The following TTBK2 variants were observed in gnomAD, a reference collection of about 807,000 sequenced individuals.
TTBK2 encodes the protein tau-tubulin kinase 2.
A neutral mutation model predicts 110.8 loss-of-function variants in TTBK2; 28 were observed. The ratio of observed to expected loss-of-function variants is 0.25; its 90% CI spans 0.19 to 0.35. TTBK2 has a LOEUF of 0.35. Among genes scored for constraint, TTBK2 ranks in the 10% least tolerant of loss-of-function variants. TTBK2 has a pLI of 1.00. For synonymous variants in TTBK2, 532 were observed against 527.3 expected, an observed-to-expected ratio of 1.01 and a Z score of -0.12; for missense variants, 1,369 against 1,500.3, an observed-to-expected ratio of 0.91 and a Z score of 1.45.
chr15:42,758,636 CAAAGTGAGATTCCATCTCAAAAA>C (rs1245681632), intron 13 of TTBK2, among the ~76,000 whole-genome samples: 42 of 92,588 alleles, frequency 4.5e-4, no homozygotes, highest in African/African-American at 1.9e-3. Flanking sequence ...GCCTGGGTGA[CAAAGTGAGATTCCATCTCAAAAA>C]AAAAAAAAAA....
At position 42,775,639 on chromosome 15, in the gene TTBK2, C is replaced by T. The variant is rs1889884180; in HGVS notation, c.1494G>A (p.Val498=). 3 of 1,613,442 alleles carry T rather than the reference C, an allele frequency of 1.9e-6. No individual in the cohort carries two copies. The highest frequency in any genetic ancestry group is 1.3e-5 in the African/African-American group (1 of 75,030). ...ALLHKPCVPA[V]SRTDHIWHYD... is the part of the protein sequence containing the mutation. ...AGTGCCAGATGTGGTCAGTACGGGACACAGCAGGAACGCAAGGCTTATGCA... is the reference window on the plus strand; with the variant it reads ...AGTGCCAGATGTGGTCAGTACGGGATACAGCAGGAACGCAAGGCTTATGCA... The change falls in exon 13 of 15, where the codon GTG becomes GTA. Residue 498 remains valine (V), a synonymous_variant. Coordinates refer to ENST00000267890, the MANE Select transcript of TTBK2 (RefSeq NM_173500.4).
chr15:42,858,688 G>A (rs1489927339), intron 3 of TTBK2, among the ~76,000 whole-genome samples: 1 of 152,102 alleles, frequency 6.6e-6, no homozygotes, highest in East Asian at 1.9e-4. Context: ...AAGAGAGATG[G>A]GCAGACACAG....
At chr15:42,815,859 T>G (rs1473923975) in intron 7 of TTBK2, among the ~76,000 whole-genome samples, 1 of 126,558 alleles carries the variant, frequency 7.9e-6, no homozygotes, top group Non-Finnish European at 1.6e-5. Flanking sequence ...TCTCTCTCTC[T>G]ATATATATAT....
Position 42,861,018 on chromosome 15 carries a change from G to C in TTBK2, c.217+11593C>G, listed in dbSNP as rs144319868. Among the ~76,000 whole-genome samples, 123 of 151,982 alleles carry C rather than the reference G, an allele frequency of 8.1e-4. 1 individual carries two copies. Among genetic ancestry groups the C allele is most frequent in the Middle Eastern group, 3.4e-3 (1 of 294 alleles). ...ACAACAATCAAGAAGGACAAAGAAG[G>C]GTATTATATAATGATAACAGGTTCA... On this transcript the variant is annotated intron_variant, in intron 3 of 14. Coordinates refer to ENST00000267890, the MANE Select transcript of TTBK2 (RefSeq NM_173500.4).
At chr15:42,791,218 C>T (rs931104650) in intron 10 of TTBK2, among the ~76,000 whole-genome samples, 2 of 151,962 alleles carry the variant, frequency 1.3e-5, no homozygotes, top group African/African-American at 4.8e-5. Context: ...CGGGGTTTCA[C>T]CATATTGGAC....
At chr15:42,792,322 G>C (rs1481981496) in intron 10 of TTBK2, among the ~76,000 whole-genome samples, 1 of 152,004 alleles carries the variant, frequency 6.6e-6, no homozygotes, top group African/African-American at 2.4e-5. Context: ...TATAATTATT[G>C]TGTAGCCATA....
intron 3 of TTBK2, among the ~76,000 whole-genome samples, chr15:42,850,969 T>C (rs1893682732): frequency 1.3e-5 from 2 of 151,942 alleles, no homozygotes; most frequent in Admixed American, 1.3e-4. Flanking sequence ...CTCATGCCTG[T>C]AATCCCAACA....
At chr15:42,840,669 A>G in intron 3 of TTBK2, 4 of 582,250 alleles carry the variant, frequency 6.9e-6, no homozygotes, top group Non-Finnish European at 1.2e-5. Flanking sequence ...TAAACAATAT[A>G]TGAATGAGGA....
At chr15:42,895,590 T>G (rs1895634536) in intron 1 of TTBK2, among the ~76,000 whole-genome samples, 1 of 150,826 alleles carries the variant, frequency 6.6e-6, no homozygotes. Flanking sequence ...CAGACTGGAG[T>G]GCAGTGGCAG....
intron 13 of TTBK2, among the ~76,000 whole-genome samples, chr15:42,755,664 T>C (rs562274861): frequency 1.3e-5 from 2 of 152,346 alleles, no homozygotes; most frequent in Admixed American, 6.5e-5. Context: ...TTAGGTTCTA[T>C]TGGTACTGTT....
intron 1 of TTBK2, among the ~76,000 whole-genome samples, chr15:42,913,466 C>T (rs1426909077): frequency 1.3e-5 from 2 of 151,872 alleles, no homozygotes; most frequent in Non-Finnish European, 2.9e-5. Context: ...GGTGAAACCC[C>T]GTCTCTACTA....
At chr15:42,873,694 C>T (rs930077906) in intron 2 of TTBK2, among the ~76,000 whole-genome samples, 2 of 152,182 alleles carry the variant, frequency 1.3e-5, no homozygotes, top group African/African-American at 2.4e-5. Flanking sequence ...GTGTGAGTAT[C>T]ATAAGCAAGT....
intron 14 of TTBK2, among the ~76,000 whole-genome samples, chr15:42,749,992 A>T (rs1400131253): frequency 2.6e-5 from 4 of 152,048 alleles, no homozygotes; most frequent in Non-Finnish European, 5.9e-5. Context: ...AGGCTGAGGC[A>T]GGAGGATCAC....
intron 7 of TTBK2, among the ~76,000 whole-genome samples, chr15:42,815,412 A>G (rs1663769179): frequency 6.6e-6 from 1 of 152,194 alleles, no homozygotes; most frequent in Non-Finnish European, 1.5e-5. Flanking sequence ...TCAGAACAGG[A>G]ACAAGGTAAA....
At chr15:42,763,179 T>TATATATATAC (rs1889160835) in intron 13 of TTBK2, among the ~76,000 whole-genome samples, 1 of 22,364 alleles carries the variant, frequency 4.5e-5, no homozygotes, top group Non-Finnish European at 8.1e-5. Context: ...TATATATATA[T>TATATATATAC]ATATATATAT....
In TTBK2 at chr15:42,742,674, T is replaced by G. The variant is rs1419935420; in HGVS notation, c.*3121A>C. 2 of 152,224 alleles carry G rather than the reference T, an allele frequency of 1.3e-5. No individual in the cohort carries two copies. The highest frequency in any genetic ancestry group is 2.9e-5 in the Non-Finnish European group (2 of 68,040). 9.4% of individuals were successfully genotyped at this position (152,224 alleles called of 1,614,324 possible). On this transcript the variant is annotated 3_prime_UTR_variant, in exon 15 of 15. Coordinates refer to ENST00000267890, the MANE Select transcript of TTBK2 (RefSeq NM_173500.4). ...TGACTGACTAGGTAACCAGCTATTCTGTTGTGACAGAAGAAACCAGGTAAT... is the reference window on the plus strand; with the variant it reads ...TGACTGACTAGGTAACCAGCTATTCGGTTGTGACAGAAGAAACCAGGTAAT...
At chr15:42,808,008 G>A (rs1021081016) in intron 9 of TTBK2, among the ~76,000 whole-genome samples, 13 of 152,146 alleles carry the variant, frequency 8.5e-5, no homozygotes, top group African/African-American at 3.1e-4. Context: ...AATAAGACAT[G>A]GCTGTTTCTC....
At chr15:42,818,693 C>G (rs1892152347) in intron 6 of TTBK2, among the ~76,000 whole-genome samples, 2 of 151,934 alleles carry the variant, frequency 1.3e-5, no homozygotes, top group South Asian at 4.2e-4. Context: ...GCACTCCAGC[C>G]GGGGCGACAG....
At chr15:42,874,295 CTTCT>C (rs1314046327) in intron 2 of TTBK2, among the ~76,000 whole-genome samples, 4 of 151,454 alleles carry the variant, frequency 2.6e-5, no homozygotes, top group Non-Finnish European at 4.4e-5. Flanking sequence ...AGCCATAATC[CTTCT>C]TTATTTTTTT....
Sources: allele counts gnomAD v4.1 joint callset (sites outside exome capture counted in the v4.1 genomes callset), GRCh38; gene constraint gnomAD v4.1.1; transcripts MANE v1.5; gene names NCBI Gene and HGNC (gene_info 2026-07-23, HGNC 2026-07-21).